NPEPPS: variants seen among roughly 807,000 people sequenced by gnomAD.
NPEPPS encodes the protein puromycin-sensitive aminopeptidase.
Under a neutral mutation model 115.5 loss-of-function variants are expected in NPEPPS, and 14 were observed. That is an observed-to-expected ratio of 0.12 (90% confidence interval 0.08 to 0.19). NPEPPS has a LOEUF of 0.19. Among genes scored for constraint, NPEPPS ranks in the 10% least tolerant of loss-of-function variants. NPEPPS has a pLI of 1.00. For synonymous variants in NPEPPS, 285 were observed against 390.6 expected, an observed-to-expected ratio of 0.73 and a Z score of 3.19; for missense variants, 523 against 1,110.8, an observed-to-expected ratio of 0.47 and a Z score of 7.52.
chr17:47,523,704 T>C (rs1210307930), intron 1 of NPEPPS, among the ~76,000 whole-genome samples: 2 of 152,124 alleles, frequency 1.3e-5, no homozygotes, highest in Non-Finnish European at 2.9e-5. Flanking sequence ...ATTACAAGCA[T>C]GAACCACCAT....
chr17:47,525,082 AG>A lies in NPEPPS; in HGVS notation c.77+2022del, dbSNP rs572329111. Among the ~76,000 whole-genome samples, 182 of 151,916 alleles carry A rather than the reference AG, an allele frequency of 1.2e-3. 1 individual carries two copies. The highest frequency in any genetic ancestry group is 4.2e-3 in the African/African-American group (174 of 41,408). On this transcript the variant is annotated intron_variant, in intron 1 of 5. Coordinates refer to the NPEPPS transcript ENST00000525007. ...CACCATGGAGGGAAATGAATTTCCA[AG>A]GGCCCTTGTGTTCTAATTTCTGTTA...
intron 2 of NPEPPS, among the ~76,000 whole-genome samples, chr17:47,554,450 C>G (rs1909868478): frequency 6.6e-6 from 1 of 152,124 alleles, no homozygotes; most frequent in Admixed American, 6.6e-5. Context: ...CAGCCTCAAA[C>G]TGCTGGGCTC....
intron 13 of NPEPPS, among the ~76,000 whole-genome samples, chr17:47,598,918 G>T (rs1913030892): frequency 2.0e-5 from 3 of 152,128 alleles, no homozygotes; most frequent in Admixed American, 1.3e-4. Flanking sequence ...GGAGGCTAAG[G>T]CAGGAGGATT....
At position 47,569,529 on chromosome 17, in the gene NPEPPS, A is replaced by C. The variant is rs770183183; in HGVS notation, c.418+35A>C. 9.4e-6 allele frequency: 9 copies of C among 954,888 alleles called. 1 individual carries two copies. The South Asian group carries it at 1.3e-4, about 14-fold the overall frequency. 59.2% of individuals were successfully genotyped at this position (954,888 alleles called of 1,614,324 possible). On this transcript the variant is annotated intron_variant, in intron 3 of 22. Transcript: ENST00000322157. ...ATAGCTTTTGTAAAATCTCGTGATG[A>C]ATATAGTGACATCTGACTTCCTCCA...
intron 2 of NPEPPS, chr17:47,559,683 T>C: frequency 2.2e-6 from 1 of 455,328 alleles, no homozygotes; most frequent in Non-Finnish European, 4.4e-6. Flanking sequence ...TGTTCATCTT[T>C]CCTGGTAGGA....
At position 47,610,910 on chromosome 17, in the gene NPEPPS, T is replaced by TG. The variant is rs1403709971; in HGVS notation, c.2096-1547dup. 2.9e-5 allele frequency among the ~76,000 whole-genome samples: 4 copies of TG among 137,662 alleles called. No individual in the cohort carries two copies. The East Asian group carries it at 9.5e-4, about 33-fold the overall frequency. 90.3% of individuals were successfully genotyped at this position (137,662 alleles called of 152,430 possible). A position where few individuals can be genotyped will look rare whatever the true frequency, so the allele number is the denominator to read the frequency against. ...ACTCTGTCTCCAGGTTGGAGTGCAG[T>TG]GGGCATGATCTCAGCTCACTGCAAC... On this transcript the variant is annotated intron_variant, in intron 17 of 22. Coordinates refer to ENST00000322157, the MANE Select transcript of NPEPPS (RefSeq NM_006310.4).
intron 14 of NPEPPS, among the ~76,000 whole-genome samples, chr17:47,600,428 C>T (rs1913123816): frequency 6.6e-6 from 1 of 152,022 alleles, no homozygotes; most frequent in Non-Finnish European, 1.5e-5. Context: ...ACGGCGAGAC[C>T]CTGTCTGGGG....
At chr17:47,533,699 A>G (rs533509268) in intron 1 of NPEPPS, among the ~76,000 whole-genome samples, 1 of 152,242 alleles carries the variant, frequency 6.6e-6, no homozygotes, top group East Asian at 1.9e-4. Flanking sequence ...CCTCTTTTCT[A>G]CTTTTGTGGA....
chr17:47,615,898 G>A (rs1304174096), intron 19 of NPEPPS, among the ~76,000 whole-genome samples: 2 of 152,200 alleles, frequency 1.3e-5, no homozygotes, highest in Non-Finnish European at 1.5e-5. Context: ...GGTTCTTCAA[G>A]AAGCCACTTG....
At chr17:47,534,008 A>G (rs1441184154) in intron 1 of NPEPPS, among the ~76,000 whole-genome samples, 1 of 152,176 alleles carries the variant, frequency 6.6e-6, no homozygotes, top group African/African-American at 2.4e-5. Flanking sequence ...GCATATATTA[A>G]TGTTTTTGAA....
intron 2 of NPEPPS, among the ~76,000 whole-genome samples, chr17:47,563,752 A>T (rs899620538): frequency 2.0e-5 from 3 of 151,812 alleles, no homozygotes; most frequent in African/African-American, 7.3e-5. Context: ...TTGTATTTTT[A>T]GTAGAGACGG....
upstream of NPEPPS, among the ~76,000 whole-genome samples, chr17:47,527,505 GA>G (rs890677094): frequency 1.4e-4 from 21 of 150,884 alleles, no homozygotes; most frequent in Admixed American, 1.2e-3. Context: ...CAAAACAAAA[GA>G]AAAAAAACAA....
chr17:47,566,724 A>G (rs1267785320), intron 2 of NPEPPS, among the ~76,000 whole-genome samples: 1 of 151,734 alleles, frequency 6.6e-6, no homozygotes, highest in Non-Finnish European at 1.5e-5. Context: ...CGCCCAGCCC[A>G]GAAAGGAACA....
intron 19 of NPEPPS, 74 bp downstream of exon 19, chr17:47,613,799 T>TAAA: frequency 9.1e-7 from 1 of 1,093,528 alleles, no homozygotes; most frequent in Non-Finnish European, 1.3e-6. Flanking sequence ...TCTAAATGGT[T>TAAA]AAAAAAAAAG....
chr17:47,593,546 C>A (rs1383354434), intron 12 of NPEPPS, among the ~76,000 whole-genome samples: 5 of 151,774 alleles, frequency 3.3e-5, no homozygotes, highest in African/African-American at 1.2e-4. Context: ...GGCAACAGAA[C>A]AAGATCCTGT....
intron 19 of NPEPPS, among the ~76,000 whole-genome samples, chr17:47,617,437 A>C (rs1285894387): frequency 3.3e-5 from 5 of 151,988 alleles, no homozygotes; most frequent in Non-Finnish European, 7.4e-5. Flanking sequence ...GGCTCACTGC[A>C]ACCTCCACCT....
chr17:47,523,533 G>T (rs1350855084), intron 1 of NPEPPS, among the ~76,000 whole-genome samples: 1 of 151,156 alleles, frequency 6.6e-6, no homozygotes, highest in African/African-American at 2.4e-5. Flanking sequence ...CAATTATCCT[G>T]CCTCAGCCTC....
chr17:47,565,705 A>C (rs1392717115), intron 2 of NPEPPS, among the ~76,000 whole-genome samples: 1 of 151,670 alleles, frequency 6.6e-6, no homozygotes, highest in Non-Finnish European at 1.5e-5. Context: ...CTGTAGTCCC[A>C]GCTATTTGGG....
At position 47,558,861 on chromosome 17, in the gene NPEPPS, T is replaced by C. The variant is rs201561104; in HGVS notation, c.341-10556T>C. Among the ~76,000 whole-genome samples the C allele has an allele frequency of 2.5e-3, 380 of 152,142 alleles. 3 individuals are homozygous for C. The highest frequency in any genetic ancestry group is 8.8e-3 in the African/African-American group (366 of 41,544). On this transcript the variant is annotated intron_variant, in intron 2 of 22. Transcript: ENST00000322157. Reference sequence around the variant, plus strand: ...CATCCTGGTTAACATGGTGAAACCCTGTCTCTACTAAAAATACAAAAAATT... The same window carrying C: ...CATCCTGGTTAACATGGTGAAACCCCGTCTCTACTAAAAATACAAAAAATT...
Sources: allele counts gnomAD v4.1 joint callset (sites outside exome capture counted in the v4.1 genomes callset), GRCh38; gene constraint gnomAD v4.1.1; transcripts MANE v1.5; gene names NCBI Gene and HGNC (gene_info 2026-07-23, HGNC 2026-07-21).